LDLRAD4: variants seen among roughly 807,000 people sequenced by gnomAD.
LDLRAD4 encodes low density lipoprotein receptor class A domain containing 4.
Under a neutral mutation model 17.0 loss-of-function variants are expected in LDLRAD4, and 5 were observed. That is an observed-to-expected ratio of 0.29 (90% CI 0.15 to 0.62). The LOEUF (loss-of-function observed/expected upper bound fraction) is 0.62. Among genes scored for constraint, LDLRAD4 ranks in the 20% least tolerant of loss-of-function variants. The pLI is 0.84. For missense variants in LDLRAD4, 340 were observed against 424.7 expected, an observed-to-expected ratio of 0.80 and a Z score of 1.75; for synonymous variants, 168 against 171.8, an observed-to-expected ratio of 0.98 and a Z score of 0.17.
At chr18:13,231,164 A>G (rs2042052052) in intron 1 of LDLRAD4, among the ~76,000 whole-genome samples, 1 of 152,140 alleles carries the variant, frequency 6.6e-6, no homozygotes, top group African/African-American at 2.4e-5. Flanking sequence ...TCGAGTTCAG[A>G]GGCGTATAGA....
intron 3 of LDLRAD4, among the ~76,000 whole-genome samples, chr18:13,524,104 G>A (rs1250807594): frequency 5.9e-5 from 9 of 152,158 alleles, no homozygotes; most frequent in African/African-American, 2.2e-4. Flanking sequence ...TCAGCACCTC[G>A]GTCTTCCAGG....
At chr18:13,342,160 A>G (rs1021590625) in intron 1 of LDLRAD4, among the ~76,000 whole-genome samples, 1 of 152,094 alleles carries the variant, frequency 6.6e-6, no homozygotes, top group African/African-American at 2.4e-5. Context: ...GGATTTTTAT[A>G]TTAATATTCA....
intron 3 of LDLRAD4, among the ~76,000 whole-genome samples, chr18:13,455,578 G>T (rs962311000): frequency 2.6e-5 from 4 of 152,110 alleles, no homozygotes; most frequent in African/African-American, 9.7e-5. Flanking sequence ...TCTGAGGGTG[G>T]GTCGTCATTC....
chr18:13,385,505 A>G (rs892887848), intron 1 of LDLRAD4, among the ~76,000 whole-genome samples: 2 of 152,220 alleles, frequency 1.3e-5, no homozygotes, highest in Non-Finnish European at 2.9e-5. Flanking sequence ...AACTTCTGCA[A>G]TGAAACAAAT....
chr18:13,578,905 A>C (rs2094816597), intron 3 of LDLRAD4, among the ~76,000 whole-genome samples: 1 of 125,822 alleles, frequency 7.9e-6, no homozygotes, highest in Non-Finnish European at 1.5e-5. Flanking sequence ...ATATAATGCT[A>C]TTTGGCCGGG....
chr18:13,326,297 G>A (rs940862703), intron 1 of LDLRAD4, among the ~76,000 whole-genome samples: 2 of 152,236 alleles, frequency 1.3e-5, no homozygotes, highest in Non-Finnish European at 2.9e-5. Context: ...GCTGTAAGGC[G>A]AATGATTACA....
chr18:13,226,180 C>CTCTTTTT (rs71370946), intron 1 of LDLRAD4, among the ~76,000 whole-genome samples: 2 of 52,188 alleles, frequency 3.8e-5, no homozygotes, highest in African/African-American at 1.6e-4. Flanking sequence ...CCATGCCTTG[C>CTCTTTTT]TTTTTTTTTT....
chr18:13,619,336 T>TC (rs2040376066), intron 3 of LDLRAD4, among the ~76,000 whole-genome samples: 1 of 152,030 alleles, frequency 6.6e-6, no homozygotes. Flanking sequence ...GTGTCATACT[T>TC]CCCATGGCCT....
At chr18:13,473,500 G>T (rs2092833643) in intron 3 of LDLRAD4, among the ~76,000 whole-genome samples, 1 of 151,628 alleles carries the variant, frequency 6.6e-6, no homozygotes, top group South Asian at 2.1e-4. Flanking sequence ...TTAGCTGGGT[G>T]TAGTGATGCA....
At chr18:13,567,880 AG>A (rs1317977242) in intron 3 of LDLRAD4, among the ~76,000 whole-genome samples, 1 of 152,216 alleles carries the variant, frequency 6.6e-6, no homozygotes, top group Non-Finnish European at 1.5e-5. Flanking sequence ...AAATAATGAA[AG>A]TATTAACGCT....
At chr18:13,460,545 GC>G (rs1343804662) in intron 3 of LDLRAD4, among the ~76,000 whole-genome samples, 7 of 152,250 alleles carry the variant, frequency 4.6e-5, no homozygotes, top group African/African-American at 1.7e-4. Flanking sequence ...ATCTGACGAA[GC>G]CATGTGTCTG....
At chr18:13,333,508 A>G (rs967351697) in intron 1 of LDLRAD4, among the ~76,000 whole-genome samples, 3 of 152,054 alleles carry the variant, frequency 2.0e-5, no homozygotes, top group African/African-American at 4.8e-5. Flanking sequence ...ATCATCTCCT[A>G]TGTTATTTTC....
At chr18:13,508,770 A>G (rs2093734059) in intron 3 of LDLRAD4, among the ~76,000 whole-genome samples, 1 of 152,212 alleles carries the variant, frequency 6.6e-6, no homozygotes, top group Admixed American at 6.5e-5. Flanking sequence ...AGAGACCTAC[A>G]GAGAGGTTAA....
intron 1 of LDLRAD4, among the ~76,000 whole-genome samples, chr18:13,238,142 G>C (rs923121421): frequency 6.6e-6 from 1 of 152,204 alleles, no homozygotes; most frequent in Admixed American, 6.5e-5. Flanking sequence ...GCAGGTGCCA[G>C]AATATCTGCC....
intron 3 of LDLRAD4, chr18:13,490,013 T>C (rs1416650289): frequency 1.3e-5 from 2 of 152,186 alleles, no homozygotes; most frequent in East Asian, 3.8e-4. Flanking sequence ...GGAAGAGACA[T>C]GGCCAAACGG....
intron 1 of LDLRAD4, among the ~76,000 whole-genome samples, chr18:13,245,413 AC>A (rs772261474): frequency 2.2e-4 from 34 of 152,354 alleles, no homozygotes; most frequent in Non-Finnish European, 4.3e-4. Flanking sequence ...ATACTACCAC[AC>A]CTAATTAATC....
chr18:13,621,754 T>C lies in LDLRAD4; in HGVS notation c.336+483T>C, dbSNP rs1322226558. Among the ~76,000 whole-genome samples, 2 of 152,106 alleles carry C rather than the reference T, an allele frequency of 1.3e-5. No homozygotes were observed. Among genetic ancestry groups the C allele is most frequent in the Non-Finnish European group, 2.9e-5 (2 of 68,028 alleles). ...CCATGAGCTGGAGGACGCCTGGAGC[T>C]TAAGGCCTCGGGAGCTTCCTGGGGA... On this transcript the variant is annotated intron_variant, in intron 4 of 5. Transcript: ENST00000359446. The surrounding 1 kb of genome is among the most constrained non-coding windows in gnomAD (Gnocchi z 5.5).
chr18:13,565,530 G>T (rs886645869), intron 3 of LDLRAD4, among the ~76,000 whole-genome samples: 4 of 152,272 alleles, frequency 2.6e-5, no homozygotes, highest in Non-Finnish European at 5.9e-5. Flanking sequence ...ACATTGGCAT[G>T]AGCCGCCCTC....
chr18:13,489,944 C>A (rs1381018994), intron 3 of LDLRAD4: 1 of 152,156 alleles, frequency 6.6e-6, no homozygotes. Flanking sequence ...GCATATATCT[C>A]TTTTTCTTCT....
Sources: gnomAD v4.1 joint callset for allele counts (sites outside exome capture counted in the v4.1 genomes callset) on GRCh38, gnomAD v4.1.1 for gene constraint, Gnocchi (gnomAD v3.1) non-coding constraint, MANE v1.5 for transcripts, NCBI Gene and HGNC (gene_info 2026-07-23, HGNC 2026-07-21) for gene names.